Variants in PAK2 observed in about 807,000 individuals in gnomAD.
The protein encoded by PAK2 is p21 (RAC1) activated kinase 2, also known as serine/threonine-protein kinase PAK 2.
PAK2 carries 21 observed loss-of-function variants against 65.9 expected under a neutral mutation model. The ratio of observed to expected loss-of-function variants is 0.32; its 90% confidence interval spans 0.23 to 0.46. The LOEUF (loss-of-function observed/expected upper bound fraction) is 0.46, where lower values mean the gene tolerates loss of function less well. PAK2 is among the 20% of genes least tolerant of loss of function. The pLI, the probability that PAK2 is intolerant of heterozygous loss-of-function variation, is 1.00. For missense variants in PAK2, 324 were observed against 642.6 expected (o/e 0.50, Z 5.36); for synonymous variants, 204 against 219.7 (o/e 0.93, Z 0.63).
intron 1 of PAK2, among the ~76,000 whole-genome samples, chr3:196,754,997 C>A (rs1713722126): frequency 6.6e-6 from 1 of 152,148 alleles, no homozygotes; most frequent in Non-Finnish European, 1.5e-5. Flanking sequence ...GATGATTGAA[C>A]TTTGTTTTAT....
chr3:196,824,907 T>G (rs1711780191), intron 13 of PAK2, among the ~76,000 whole-genome samples: 1 of 152,100 alleles, frequency 6.6e-6, no homozygotes, highest in African/African-American at 2.4e-5. Flanking sequence ...TGTATCAATA[T>G]TGGTTCATTT....
At chr3:196,780,378 A>C (rs772648067) in intron 1 of PAK2, among the ~76,000 whole-genome samples, 19 of 152,220 alleles carry the variant, frequency 1.2e-4, no homozygotes, top group Non-Finnish European at 2.5e-4. Context: ...AAGCCTCACA[A>C]TCATGGCGGA....
At chr3:196,758,996 T>A (rs747243198) in intron 1 of PAK2, among the ~76,000 whole-genome samples, 1 of 152,164 alleles carries the variant, frequency 6.6e-6, no homozygotes, top group Non-Finnish European at 1.5e-5. Flanking sequence ...AACTTACACA[T>A]TTTTATTCTC....
At chr3:196,815,383 T>G (rs1715980737) in intron 11 of PAK2, among the ~76,000 whole-genome samples, 1 of 151,178 alleles carries the variant, frequency 6.6e-6, no homozygotes, top group South Asian at 2.1e-4. Flanking sequence ...TCCCAGCTAC[T>G]CGCGAGGCTG....
intron 10 of PAK2, among the ~76,000 whole-genome samples, chr3:196,813,356 G>T (rs1327805606): frequency 6.6e-6 from 1 of 151,732 alleles, no homozygotes; most frequent in Non-Finnish European, 1.5e-5. Flanking sequence ...TACTCAGGAG[G>T]CTGAGGCAGG....
chr3:196,768,435 ACTT>A (rs1714251946), intron 1 of PAK2, among the ~76,000 whole-genome samples: 1 of 151,492 alleles, frequency 6.6e-6, no homozygotes, highest in African/African-American at 2.4e-5. Flanking sequence ...TGTTTTTTAT[ACTT>A]CTTAGGTTGG....
intron 13 of PAK2, among the ~76,000 whole-genome samples, chr3:196,824,018 C>T (rs1429400054): frequency 6.6e-6 from 1 of 151,956 alleles, no homozygotes; most frequent in Non-Finnish European, 1.5e-5. Context: ...CAGAAACAAG[C>T]AGGTTCTTCG....
intron 7 of PAK2, among the ~76,000 whole-genome samples, chr3:196,808,212 G>A (rs1316684586): frequency 1.3e-5 from 2 of 152,114 alleles, no homozygotes; most frequent in Admixed American, 6.5e-5. Flanking sequence ...CAGCTACTTG[G>A]AGGCTGAGGC....
intron 2 of PAK2, among the ~76,000 whole-genome samples, chr3:196,800,245 G>A (rs1018317342): frequency 7.6e-4 from 115 of 152,134 alleles, no homozygotes; most frequent in Non-Finnish European, 8.8e-5. Flanking sequence ...AGCCTGGTAT[G>A]ATGGTGCATG....
At chr3:196,796,851 T>C (rs990387049) in intron 2 of PAK2, among the ~76,000 whole-genome samples, 2 of 152,202 alleles carry the variant, frequency 1.3e-5, no homozygotes, top group African/African-American at 4.8e-5. Context: ...GGAAGGTTGT[T>C]ATTTCGTGAT....
At chr3:196,749,581 G>A (rs1207129392) in intron 1 of PAK2, among the ~76,000 whole-genome samples, 2 of 152,040 alleles carry the variant, frequency 1.3e-5, no homozygotes, top group South Asian at 2.1e-4. Context: ...GTAGGTTTTC[G>A]GGTGGACATA....
rs1342598493 is a variant in PAK2 at position 196,746,645 on chromosome 3, T to C, written c.-22+6488T>C. ...TGACCAACATGGAGAAACCTGTGTC[T>C]ACTAAAAATAGAAAATTAGCCAGGT... On this transcript the variant is annotated intron_variant, in intron 1 of 14. Coordinates refer to ENST00000327134, the MANE Select transcript of PAK2 (RefSeq NM_002577.4). Among the ~76,000 whole-genome samples the C allele has an allele frequency of 1.3e-5, 2 of 152,038 alleles. 1 individual carries two copies. Among genetic ancestry groups the C allele is most frequent in the Admixed American group, 1.3e-4 (2 of 15,252 alleles).
intron 13 of PAK2, among the ~76,000 whole-genome samples, chr3:196,823,159 A>G (rs1045507554): frequency 6.6e-6 from 1 of 152,172 alleles, no homozygotes; most frequent in Non-Finnish European, 1.5e-5. Context: ...GGCTGATGTC[A>G]TAATTCAGGC....
intron 2 of PAK2, among the ~76,000 whole-genome samples, chr3:196,799,769 C>A (rs1247893028): frequency 6.6e-6 from 1 of 152,114 alleles, no homozygotes; most frequent in Non-Finnish European, 1.5e-5. Flanking sequence ...ATTCTTGTGC[C>A]GCTATACTCG....
chr3:196,756,274 C>G (rs1254408528), intron 1 of PAK2, among the ~76,000 whole-genome samples: 1 of 152,286 alleles, frequency 6.6e-6, no homozygotes, highest in Non-Finnish European at 1.5e-5. Flanking sequence ...TTTACACTCC[C>G]TGTGTCCTCT....
At chr3:196,772,309 A>G (rs1714385463) in intron 1 of PAK2, among the ~76,000 whole-genome samples, 1 of 152,202 alleles carries the variant, frequency 6.6e-6, no homozygotes, top group Non-Finnish European at 1.5e-5. Context: ...AAGTGGAAGC[A>G]TGAGGTCTCT....
chr3:196,811,225 CTT>C, intron 8 of PAK2, among the ~76,000 whole-genome samples: 1 of 35,484 alleles, frequency 2.8e-5, no homozygotes, highest in African/African-American at 1.1e-4. Flanking sequence ...CCCTCCCTCC[CTT>C]CCCTTCCCTT....
At position 196,788,351 on chromosome 3, in the gene PAK2, T is replaced by G. The variant is rs1253608385; in HGVS notation, c.187+5518T>G. ...TATTCCACTAAAAAATTTACATCCC[T>G]TACTGCTTTCCTTACTAAAAAAACA... On this transcript the variant is annotated intron_variant, in intron 2 of 14. Transcript: ENST00000327134. 9.9e-5 allele frequency among the ~76,000 whole-genome samples: 15 copies of G among 152,184 alleles called. 1 individual carries two copies.
intron 11 of PAK2, among the ~76,000 whole-genome samples, chr3:196,815,337 C>A (rs562044999): frequency 6.6e-6 from 1 of 150,508 alleles, no homozygotes; most frequent in African/African-American, 2.4e-5. Context: ...ACTAAAAATA[C>A]AAAAATTAGC....
Sources: gnomAD v4.1 joint callset for allele counts (sites outside exome capture counted in the v4.1 genomes callset) on GRCh38, gnomAD v4.1.1 for gene constraint, MANE v1.5 for transcripts, NCBI Gene and HGNC (gene_info 2026-07-23, HGNC 2026-07-21) for gene names.